The following VTCN1 variants were observed in gnomAD, a reference collection of about 807,000 sequenced individuals.
VTCN1 encodes the protein V-set domain containing T cell activation inhibitor 1, also known as V-set domain-containing T-cell activation inhibitor 1.
A neutral mutation model predicts 26.5 loss-of-function variants in VTCN1; 26 were observed. The observed-to-expected ratio is 0.98, with a 90% CI of 0.72 to 1.36. The LOEUF (loss-of-function observed/expected upper bound fraction) is 1.36. Among genes scored for constraint, VTCN1 ranks in the 40% most tolerant of loss-of-function variants. The pLI is 0.00. For missense variants in VTCN1, 298 were observed against 337.7 expected, an observed-to-expected ratio of 0.88 and a Z score of 0.92; for synonymous variants, 116 against 130.7, an observed-to-expected ratio of 0.89 and a Z score of 0.77.
intron 4 of VTCN1, among the ~76,000 whole-genome samples, chr1:117,151,193 TAC>T (rs979649536): frequency 2.7e-5 from 4 of 147,330 alleles, no homozygotes; most frequent in Non-Finnish European, 5.9e-5. Context: ...ACCTGAGTGT[TAC>T]AGTTCTTTTT....
chr1:117,170,244 C>T (rs1161913464), intron 1 of VTCN1, 73 bp from the exon 2 acceptor site: 1 of 1,395,452 alleles, frequency 7.2e-7, no homozygotes, highest in East Asian at 2.3e-5. Flanking sequence ...AACTGGGGTA[C>T]AAATCTGTTG....
Position 117,144,786 on chromosome 1 carries a change from G to A in VTCN1, c.*485C>T, listed in dbSNP as rs957024427. ...TGCGAAGTGGCAGTCAATTAGCAGC[G>A]TCTTAGGGTACATACTACAGCTTAA... On this transcript the variant is annotated 3_prime_UTR_variant, in exon 6 of 6. Transcript: ENST00000369458. The A allele has an allele frequency of 2.0e-5, 3 of 152,602 alleles. No individual in the cohort carries two copies. Among genetic ancestry groups the A allele is most frequent in the African/African-American group, 4.8e-5 (2 of 41,442 alleles). The allele number at this position is 152,602 out of a possible 1,614,324, so 9.5% of individuals were successfully genotyped here.
chr1:117,197,001 C>T (rs1648544290), intron 1 of VTCN1, among the ~76,000 whole-genome samples: 1 of 152,144 alleles, frequency 6.6e-6, no homozygotes, highest in African/African-American at 2.4e-5. Context: ...CACTTCTTTA[C>T]AACTTTATTT....
rs890979891 is a variant in VTCN1, at chr1:117,188,512, T to C, written c.33-18341A>G. 5.3e-5 allele frequency among the ~76,000 whole-genome samples: 8 copies of C among 152,240 alleles called. No homozygotes were observed. The South Asian group carries it at 6.2e-4, about 12-fold the overall frequency. On this transcript the variant is annotated intron_variant, in intron 1 of 5. Transcript: ENST00000369458. ...TCAGAAGTTTCATCATGTATTTCTA[T>C]ATGTGCACTTTAAAAGGTCAGATAT... is the stretch of plus-strand genomic sequence containing the variant.
rs997349010 is a variant in VTCN1 at position 117,175,918 on chromosome 1, G to A, written c.33-5747C>T. ...CCCGAGTAGCTGGGATTACAGGCAC[G>A]TGCCACCACGCCCGGCTAATTTTTT... On this transcript the variant is annotated intron_variant, in intron 1 of 5. Transcript: ENST00000369458. This position sits in a 1 kb window ranked among gnomAD's most constrained non-coding sequence, Gnocchi z 4.2. Among the ~76,000 whole-genome samples the A allele has an allele frequency of 3.9e-5, 6 of 151,900 alleles. No individual in the cohort carries two copies. Among genetic ancestry groups the A allele is most frequent in the Admixed American group, 3.3e-4 (5 of 15,242 alleles).
rs57706779 is a variant in VTCN1, at chr1:117,190,664, C to G, written c.32+20160G>C. 3.7e-3 allele frequency among the ~76,000 whole-genome samples: 571 copies of G among 152,348 alleles called. 7 individuals carry two copies. Among genetic ancestry groups the G allele is most frequent in the African/African-American group, 0.013 (539 of 41,584 alleles). On this transcript the variant is annotated intron_variant, in intron 1 of 5. Transcript: ENST00000369458. ...AAGCCACTGGTAATGGGCCCACCAA[C>G]AGTGGACCCTGCTGCAGACTCAGGA...
chr1:117,160,035 C>A (rs1053448480), intron 2 of VTCN1, among the ~76,000 whole-genome samples: 1 of 152,134 alleles, frequency 6.6e-6, no homozygotes, highest in Non-Finnish European at 1.5e-5. Flanking sequence ...CTGAGGACAC[C>A]TATTGGGGTG....
At chr1:117,193,821 G>T (rs566594572) in intron 1 of VTCN1, among the ~76,000 whole-genome samples, 1 of 152,074 alleles carries the variant, frequency 6.6e-6, no homozygotes, top group Non-Finnish European at 1.5e-5. Flanking sequence ...GAGTCCACAT[G>T]CAAAAGAAAG....
intron 1 of VTCN1, among the ~76,000 whole-genome samples, chr1:117,200,610 C>G (rs956748554): frequency 6.6e-6 from 1 of 152,194 alleles, no homozygotes; most frequent in African/African-American, 2.4e-5. Flanking sequence ...CCCAAATCTT[C>G]AGGTATTCCC....
intron 1 of VTCN1, among the ~76,000 whole-genome samples, chr1:117,176,092 A>G (rs1647339370): frequency 1.3e-5 from 2 of 152,024 alleles, no homozygotes; most frequent in Non-Finnish European, 2.9e-5. Flanking sequence ...CTCTTAAACA[A>G]CCTTTCATTT....
intron 2 of VTCN1, among the ~76,000 whole-genome samples, chr1:117,160,920 C>T (rs1652334630): frequency 6.6e-6 from 1 of 152,088 alleles, no homozygotes; most frequent in South Asian, 2.1e-4. Context: ...GCAGAAAGAA[C>T]AGAAGGCTAC....
At chr1:117,164,128 C>A (rs1652496757) in intron 2 of VTCN1, among the ~76,000 whole-genome samples, 1 of 152,120 alleles carries the variant, frequency 6.6e-6, no homozygotes, top group Non-Finnish European at 1.5e-5. Flanking sequence ...CAGAGAGTAT[C>A]TGAGAACACA....
At chr1:117,150,602 TTAGA>T (rs201308920) in intron 4 of VTCN1, among the ~76,000 whole-genome samples, 51 of 143,294 alleles carry the variant, frequency 3.6e-4, no homozygotes, top group East Asian at 2.1e-3. Flanking sequence ...AATTTTTTAG[TTAGA>T]TACTTTTTAA....
chr1:117,174,427 A>C (rs1164429992), intron 1 of VTCN1, among the ~76,000 whole-genome samples: 1 of 152,224 alleles, frequency 6.6e-6, no homozygotes, highest in African/African-American at 2.4e-5. Context: ...ACATACACAC[A>C]AACCTTTGTA....
intron 1 of VTCN1, among the ~76,000 whole-genome samples, chr1:117,198,028 G>GC (rs1355146859): frequency 2.6e-5 from 4 of 152,192 alleles, no homozygotes; most frequent in African/African-American, 9.7e-5. Context: ...TCTGGGCACT[G>GC]CCTTCTACTG....
At chr1:117,205,417 C>G (rs972720716) in intron 1 of VTCN1, among the ~76,000 whole-genome samples, 2 of 152,092 alleles carry the variant, frequency 1.3e-5, no homozygotes, top group Non-Finnish European at 2.9e-5. Flanking sequence ...CCTGCCTCAG[C>G]CTTCCAAAGT....
At position 117,145,368 on chromosome 1, in the gene VTCN1, T is replaced by C. The variant is rs549750729; in HGVS notation, c.*46-143A>G. 1.3e-5 allele frequency: 2 copies of C among 152,326 alleles called. No individual in the cohort carries two copies. Among genetic ancestry groups the C allele is most frequent in the East Asian group, 3.9e-4 (2 of 5,178 alleles). The allele number at this position is 152,326 out of a possible 1,614,324, so 9.4% of individuals were successfully genotyped here. ...ATTTTTCAGTATTTTGATGTTGTTC[T>C]ATTGAGGCCACATGGTCCCATGGGT... On this transcript the variant is annotated intron_variant, in intron 5 of 5. Transcript: ENST00000369458. This position sits in a 1 kb window ranked among gnomAD's most constrained non-coding sequence, Gnocchi z 4.6.
intron 1 of VTCN1, among the ~76,000 whole-genome samples, chr1:117,174,118 C>G (rs1354938201): frequency 2.6e-5 from 4 of 152,196 alleles, no homozygotes; most frequent in Non-Finnish European, 4.4e-5. Flanking sequence ...GGGGTTCTTA[C>G]ATTGCTTTCT....
At chr1:117,185,906 T>C (rs1647920907) in intron 1 of VTCN1, among the ~76,000 whole-genome samples, 2 of 152,210 alleles carry the variant, frequency 1.3e-5, no homozygotes, top group Non-Finnish European at 2.9e-5. Flanking sequence ...ATGTCTTATG[T>C]CTTCCTAAAA....
Sources: allele counts gnomAD v4.1 joint callset (sites outside exome capture counted in the v4.1 genomes callset), GRCh38; gene constraint gnomAD v4.1.1; non-coding constraint Gnocchi (gnomAD v3.1); transcripts MANE v1.5; gene names NCBI Gene and HGNC (gene_info 2026-07-23, HGNC 2026-07-21).